Variants in IGFBP4 observed in about 807,000 individuals in gnomAD.
IGFBP4 encodes the protein insulin like growth factor binding protein 4.
Under a neutral mutation model 25.8 loss-of-function variants are expected in IGFBP4, and 9 were observed. That is an observed-to-expected ratio of 0.35 (90% confidence interval 0.21 to 0.61). The LOEUF (loss-of-function observed/expected upper bound fraction) is 0.61, where lower values mean the gene tolerates loss of function less well. IGFBP4 is among the 20% of genes least tolerant of loss of function. IGFBP4 has a pLI of 0.77. For missense variants in IGFBP4, 315 were observed against 365.3 expected (o/e 0.86, Z 1.12); for synonymous variants, 153 against 153.9 (o/e 0.99, Z 0.05).
rs1445459006 is a variant in IGFBP4 at position 40,443,727 on chromosome 17, C to T, written c.-9C>T. ...GCGCCCCGCGCCCGCGCCCAGTCCT[C>T]GGGCGGTCATGCTGCCCCTCTGCCT... On this transcript the variant is annotated 5_prime_UTR_variant, in exon 1 of 4. Coordinates refer to ENST00000269593, the MANE Select transcript of IGFBP4 (RefSeq NM_001552.3). The T allele has an allele frequency of 1.6e-5, 23 of 1,433,944 alleles. No homozygotes were observed. The highest frequency in any genetic ancestry group is 2.5e-4 in the Middle Eastern group (1 of 4,070). The allele number at this position is 1,433,944 out of a possible 1,614,324, so 88.8% of individuals were successfully genotyped here.
chr17:40,443,946 AC>A lies in IGFBP4; in HGVS notation c.217del (p.Arg73ValfsTer21), dbSNP rs1165823842. The part of the protein sequence containing the change: ...LGLGMPCGVY[T>X]PRCGSGLRCY... ...CTTGGGGATGCCCTGCGGGGTGTAC[AC>A]CCCCCGTTGCGGCTCGGGCCTGCGC... On this transcript the variant is annotated frameshift_variant, in exon 1 of 4. Coordinates refer to ENST00000269593, the MANE Select transcript of IGFBP4 (RefSeq NM_001552.3). LOFTEE classifies it high-confidence loss of function. 2.6e-6 allele frequency: 4 copies of A among 1,530,442 alleles called. No individual in the cohort carries two copies. The highest frequency in any genetic ancestry group is 8.7e-7 in the Non-Finnish European group (1 of 1,144,090). 94.8% of individuals were successfully genotyped at this position (1,530,442 alleles called of 1,614,324 possible).
intron 1 of IGFBP4, among the ~76,000 whole-genome samples, chr17:40,447,200 C>T (rs1182636439): frequency 6.6e-6 from 1 of 152,222 alleles, no homozygotes; most frequent in African/African-American, 2.4e-5. Flanking sequence ...AGGGGCAGAT[C>T]TCCCCTTTCC....
intron 1 of IGFBP4, 23 bp downstream of exon 1, chr17:40,444,107 A>G (rs760871198): frequency 6.0e-5 from 91 of 1,507,628 alleles, no homozygotes; most frequent in Non-Finnish European, 7.3e-5. Flanking sequence ...TGGCCTCCCA[A>G]TTCCCTCCTG....
chr17:40,453,010 C>G lies in IGFBP4; in HGVS notation c.375C>G (p.Asn125Lys). 1 of 1,566,758 alleles carries G rather than the reference C, an allele frequency of 6.4e-7. No homozygotes were observed. Among genetic ancestry groups the G allele is most frequent in the African/African-American group, 1.4e-5 (1 of 72,946 alleles). ...ACAAGGACGAGGGTGACCACCCCAA[C>G]AACAGCTTCAGCCCCTGTAGCGCCC... The part of the protein sequence containing the change: ...PSDKDEGDHP[N>K]NSFSPCSAHD... Residue 125 changes from asparagine to lysine, a missense_variant, in exon 2 of 4, where the codon AAC (asparagine) becomes AAG (lysine). Physicochemically the swap from Asn to Lys is moderately conservative, Grantham distance 94 (BLOSUM62 0). Transcript: ENST00000269593. The surrounding 1 kb of genome is among the most constrained non-coding windows in gnomAD (Gnocchi z 4.0).
At chr17:40,454,274 C>T (rs748912130) in intron 3 of IGFBP4, among the ~76,000 whole-genome samples, 3 of 152,170 alleles carry the variant, frequency 2.0e-5, no homozygotes, top group Non-Finnish European at 2.9e-5. Flanking sequence ...GTAAAAGCGC[C>T]GGGCTAGTCC....
chr17:40,443,664 C>A lies in IGFBP4; in HGVS notation c.-72C>A. 1 of 839,512 alleles carries A rather than the reference C, an allele frequency of 1.2e-6. No homozygotes were observed. Among genetic ancestry groups the A allele is most frequent in the Non-Finnish European group, 1.5e-6 (1 of 672,996 alleles). The allele number at this position is 839,512 out of a possible 1,614,324, so 52.0% of individuals were successfully genotyped here. A position where few individuals can be genotyped will look rare whatever the true frequency, so the allele number is the denominator to read the frequency against. On this transcript the variant is annotated 5_prime_UTR_variant, in exon 1 of 4. Coordinates refer to ENST00000269593, the MANE Select transcript of IGFBP4 (RefSeq NM_001552.3). ...AGGCGCTGCCGCCGTGTGCCCTCCG[C>A]CGCTCGCCCGCGCGCCCGCGCTCCC... is the stretch of plus-strand genomic sequence containing the variant.
chr17:40,454,671 C>T (rs2035704976), intron 3 of IGFBP4, among the ~76,000 whole-genome samples: 1 of 152,212 alleles, frequency 6.6e-6, no homozygotes, highest in African/African-American at 2.4e-5. Context: ...CTTCCCTATT[C>T]CTTCCTGCCC....
At chr17:40,454,174 C>T in intron 3 of IGFBP4, 112 bp downstream of exon 3, 1 of 1,431,700 alleles carries the variant, frequency 7.0e-7, no homozygotes, top group South Asian at 1.4e-5. Flanking sequence ...CTCCTCAACC[C>T]CAACCCAACC....
intron 1 of IGFBP4, among the ~76,000 whole-genome samples, chr17:40,446,330 A>G (rs1324416350): frequency 8.0e-6 from 1 of 124,676 alleles, no homozygotes; most frequent in African/African-American, 3.0e-5. Flanking sequence ...AAAAAAAAAA[A>G]GTAGGCCGGG....
At chr17:40,454,680 C>T (rs1041460422) in intron 3 of IGFBP4, among the ~76,000 whole-genome samples, 1 of 152,152 alleles carries the variant, frequency 6.6e-6, no homozygotes, top group Non-Finnish European at 1.5e-5. Flanking sequence ...TCCTTCCTGC[C>T]CTTGGAAGCT....
rs993671824 is a variant in IGFBP4 at position 40,443,962 on chromosome 17, C to T, written c.227C>T (p.Ser76Leu). The change falls in exon 1 of 4, where the codon TCG (serine) becomes TTG (leucine). Residue 76 changes from serine to leucine, a missense_variant. Transcript: ENST00000269593. ...PCGVYTPRCGSGLRCYPPRGV... is the reference protein window; with the variant it reads ...PCGVYTPRCGLGLRCYPPRGV... Reference sequence around the variant, plus strand: ...GGGGTGTACACCCCCCGTTGCGGCTCGGGCCTGCGCTGCTACCCGCCCCGA... The same window carrying T: ...GGGGTGTACACCCCCCGTTGCGGCTTGGGCCTGCGCTGCTACCCGCCCCGA... 1.9e-5 allele frequency: 29 copies of T among 1,529,620 alleles called. No homozygotes were observed. In the Admixed American group the frequency reaches 3.8e-4, roughly 20 times the overall value. The allele number at this position is 1,529,620 out of a possible 1,614,324, so 94.8% of individuals were successfully genotyped here.
chr17:40,448,991 G>A (rs999285509), intron 1 of IGFBP4, among the ~76,000 whole-genome samples: 3 of 152,138 alleles, frequency 2.0e-5, no homozygotes, highest in South Asian at 4.1e-4. Context: ...AGGCAAATAC[G>A]GATTTACCCT....
intron 1 of IGFBP4, 101 bp from the exon 2 acceptor site, chr17:40,452,884 C>A: frequency 9.8e-7 from 1 of 1,017,670 alleles, no homozygotes; most frequent in Non-Finnish European, 1.4e-6. Flanking sequence ...AGCGCCAAGC[C>A]GAAGAATCCC....
intron 3 of IGFBP4, 68 bp from the exon 4 acceptor site, chr17:40,456,381 T>C (rs2035714061): frequency 1.3e-6 from 2 of 1,557,122 alleles, no homozygotes; most frequent in Non-Finnish European, 8.8e-7. Flanking sequence ...TGGGCTGGGA[T>C]TGGGGTGGGT....
At position 40,446,188 on chromosome 17, in the gene IGFBP4, A is replaced by G. The variant is rs553137283; in HGVS notation, c.349+2104A>G. Among the ~76,000 whole-genome samples the G allele has an allele frequency of 2.0e-5, 3 of 150,566 alleles. No homozygotes were observed. In the East Asian group the frequency reaches 5.8e-4, roughly 29 times the overall value. ...TCTCTACAAAAAAAAAAAAAAAAAA[A>G]TAGGCAACTGCAGTGGCTCATGCCT... On this transcript the variant is annotated intron_variant, in intron 1 of 3. Transcript: ENST00000269593.
chr17:40,456,347 G>A (rs960929559), intron 3 of IGFBP4, 102 bp from the exon 4 acceptor site: 37 of 1,233,588 alleles, frequency 3.0e-5, no homozygotes, highest in Non-Finnish European at 3.5e-5. Context: ...TTGAAGCAGC[G>A]ACCGTCTGAC....
intron 3 of IGFBP4, among the ~76,000 whole-genome samples, chr17:40,454,785 G>A (rs375376172): frequency 1.0e-3 from 155 of 152,310 alleles, no homozygotes; most frequent in African/African-American, 3.7e-3. Flanking sequence ...TGGCCTGTCT[G>A]GGCAGGGCTC....
chr17:40,452,845 C>T (rs368324746), intron 1 of IGFBP4, 140 bp from the exon 2 acceptor site: 9 of 597,094 alleles, frequency 1.5e-5, no homozygotes, highest in Middle Eastern at 3.7e-4. Flanking sequence ...CTTGTTTCTT[C>T]CCGCTCCCCA....
In IGFBP4 at chr17:40,444,099, G is replaced by A. The variant is rs1250284999; in HGVS notation, c.349+15G>A. ...GCAGCCCTCTGGTAAGGTACCCCTG[G>A]CCTCCCAATTCCCTCCTGAGTGCGC... On this transcript the variant is annotated intron_variant, in intron 1 of 3. Coordinates refer to ENST00000269593, the MANE Select transcript of IGFBP4 (RefSeq NM_001552.3). 7.2e-6 allele frequency: 11 copies of A among 1,522,060 alleles called. No individual in the cohort carries two copies. In the Admixed American group the frequency reaches 2.2e-4, roughly 30 times the overall value. 94.3% of individuals were successfully genotyped at this position (1,522,060 alleles called of 1,614,324 possible). A position where few individuals can be genotyped will look rare whatever the true frequency, so the allele number is the denominator to read the frequency against.
Sources: allele counts gnomAD v4.1 joint callset (sites outside exome capture counted in the v4.1 genomes callset), GRCh38; gene constraint gnomAD v4.1.1; non-coding constraint Gnocchi (gnomAD v3.1); transcripts MANE v1.5; gene names NCBI Gene and HGNC (gene_info 2026-07-23, HGNC 2026-07-21).